The following SH3GL2 variants were observed in gnomAD, a reference collection of about 807,000 sequenced individuals.
SH3GL2 encodes SH3 domain containing GRB2 like 2, endophilin A1.
A neutral mutation model predicts 46.0 loss-of-function variants in SH3GL2; 24 were observed. The ratio of observed to expected loss-of-function variants is 0.52; its 90% CI spans 0.38 to 0.73. The LOEUF (loss-of-function observed/expected upper bound fraction) is 0.73, where lower values mean the gene tolerates loss of function less well. Ranked by LOEUF, SH3GL2 falls within the 30% of genes least tolerant of loss-of-function variation. The pLI is 0.00. For missense variants in SH3GL2, 413 were observed against 424.2 expected, an observed-to-expected ratio of 0.97 and a Z score of 0.23; for synonymous variants, 196 against 147.1, an observed-to-expected ratio of 1.33 and a Z score of -2.40.
At chr9:17,680,458 G>A (rs2118038211) in intron 1 of SH3GL2, among the ~76,000 whole-genome samples, 1 of 152,210 alleles carries the variant, frequency 6.6e-6, no homozygotes, top group East Asian at 1.9e-4. Flanking sequence ...TTGTATTTCT[G>A]TGGGATTGGT....
intron 2 of SH3GL2, among the ~76,000 whole-genome samples, chr9:17,753,919 A>G (rs1588303323): frequency 6.6e-6 from 1 of 152,162 alleles, no homozygotes. Flanking sequence ...TCCTAGCACC[A>G]TTTATTGAAT....
intron 1 of SH3GL2, among the ~76,000 whole-genome samples, chr9:17,673,117 T>C (rs1820515010): frequency 6.6e-6 from 1 of 152,020 alleles, no homozygotes; most frequent in African/African-American, 2.4e-5. Context: ...CCCTCTCTTC[T>C]ACTCTTAGAG....
chr9:17,692,813 A>G (rs1478002361), intron 1 of SH3GL2, among the ~76,000 whole-genome samples: 1 of 152,196 alleles, frequency 6.6e-6, no homozygotes, highest in African/African-American at 2.4e-5. Flanking sequence ...TTACGGTTCC[A>G]CTTGGCTGGG....
At chr9:17,615,040 G>T (rs1222046688) in intron 1 of SH3GL2, among the ~76,000 whole-genome samples, 1 of 152,140 alleles carries the variant, frequency 6.6e-6, no homozygotes, top group Non-Finnish European at 1.5e-5. Flanking sequence ...TGCTCTCAGA[G>T]TCCTCTGTCA....
In SH3GL2 at chr9:17,795,934, T is replaced by A. The variant is rs1248615459; in HGVS notation, c.*191T>A. On this transcript the variant is annotated 3_prime_UTR_variant, in exon 9 of 9. Coordinates refer to ENST00000380607, the MANE Select transcript of SH3GL2 (RefSeq NM_003026.5). Reference sequence around the variant, plus strand: ...GGTGATGGATGATATCCTCTTAGCCTGGTGGGCGTGGCATGTGCTTTTTAA... The same window carrying A: ...GGTGATGGATGATATCCTCTTAGCCAGGTGGGCGTGGCATGTGCTTTTTAA... 5.2e-6 allele frequency: 3 copies of A among 575,132 alleles called. No homozygotes were observed. Among genetic ancestry groups the A allele is most frequent in the Non-Finnish European group, 9.3e-6 (3 of 323,016 alleles). The allele number at this position is 575,132 out of a possible 1,614,324, so 35.6% of individuals were successfully genotyped here.
At chr9:17,694,747 G>T (rs1821162342) in intron 1 of SH3GL2, among the ~76,000 whole-genome samples, 3 of 152,196 alleles carry the variant, frequency 2.0e-5, no homozygotes, top group Admixed American at 2.0e-4. Flanking sequence ...AGTAAAATGG[G>T]AATGGTGATT....
At chr9:17,609,136 A>G (rs1270368342) in intron 1 of SH3GL2, among the ~76,000 whole-genome samples, 1 of 152,212 alleles carries the variant, frequency 6.6e-6, no homozygotes, top group Non-Finnish European at 1.5e-5. Context: ...CACTTAATAA[A>G]CAATAATTCT....
At chr9:17,627,390 G>T (rs1819307909) in intron 1 of SH3GL2, among the ~76,000 whole-genome samples, 1 of 152,100 alleles carries the variant, frequency 6.6e-6, no homozygotes, top group Non-Finnish European at 1.5e-5. Flanking sequence ...GCTTTGCTGG[G>T]TTCTTCATTC....
intron 1 of SH3GL2, among the ~76,000 whole-genome samples, chr9:17,743,195 G>A (rs1255457283): frequency 6.6e-6 from 1 of 152,144 alleles, no homozygotes; most frequent in African/African-American, 2.4e-5. Flanking sequence ...AAAAATGTTT[G>A]CCATACTCCT....
In SH3GL2 at chr9:17,795,946, C is replaced by A. The variant is rs553313598; in HGVS notation, c.*203C>A. ...TATCCTCTTAGCCTGGTGGGCGTGG[C>A]ATGTGCTTTTTAAAACATCATCTGA... On this transcript the variant is annotated 3_prime_UTR_variant, in exon 9 of 9. Transcript: ENST00000380607. 28 of 557,372 alleles carry A rather than the reference C, an allele frequency of 5.0e-5. No homozygotes were observed. In the African/African-American group the frequency reaches 5.2e-4, roughly 10 times the overall value. The allele number at this position is 557,372 out of a possible 1,614,324, so 34.5% of individuals were successfully genotyped here.
chr9:17,614,295 G>GGAAAAAA (rs762920242), intron 1 of SH3GL2, among the ~76,000 whole-genome samples: 24 of 70,298 alleles, frequency 3.4e-4, no homozygotes, highest in East Asian at 1.6e-3. Flanking sequence ...CATGGTTTCT[G>GGAAAAAA]AAAAAAAAAA....
At chr9:17,656,205 A>G (rs1820072633) in intron 1 of SH3GL2, among the ~76,000 whole-genome samples, 1 of 151,998 alleles carries the variant, frequency 6.6e-6, no homozygotes, top group Non-Finnish European at 1.5e-5. Context: ...TTTCTATTGG[A>G]ATGTTTTTAT....
intron 1 of SH3GL2, among the ~76,000 whole-genome samples, chr9:17,599,371 A>T (rs2208486): frequency 0.83 from 126,344 of 152,152 alleles, 52,616 homozygotes; most frequent in Admixed American, 0.87. Flanking sequence ...CAGCATACAA[A>T]TAAAAATAAA....
intron 1 of SH3GL2, among the ~76,000 whole-genome samples, chr9:17,622,609 A>C (rs978762062): frequency 1.3e-5 from 2 of 152,198 alleles, no homozygotes; most frequent in African/African-American, 4.8e-5. Flanking sequence ...AAGTGATACC[A>C]ATTAAAAAAT....
intron 1 of SH3GL2, among the ~76,000 whole-genome samples, chr9:17,645,732 G>T (rs1042735486): frequency 3.3e-5 from 5 of 152,174 alleles, no homozygotes; most frequent in African/African-American, 1.2e-4. Context: ...GGTTTCTGCT[G>T]AGAGATCCGC....
At chr9:17,659,510 T>C (rs1156651752) in intron 1 of SH3GL2, among the ~76,000 whole-genome samples, 1 of 152,106 alleles carries the variant, frequency 6.6e-6, no homozygotes. Context: ...GAGATATTAA[T>C]GAATTTGTGG....
intron 1 of SH3GL2, among the ~76,000 whole-genome samples, chr9:17,615,007 G>A (rs1048122780): frequency 6.6e-6 from 1 of 152,192 alleles, no homozygotes; most frequent in African/African-American, 2.4e-5. Context: ...ATGACACCCT[G>A]ACTAGAGTGA....
At chr9:17,676,127 G>A (rs1224810316) in intron 1 of SH3GL2, among the ~76,000 whole-genome samples, 1 of 152,086 alleles carries the variant, frequency 6.6e-6, no homozygotes, top group African/African-American at 2.4e-5. Context: ...TAGGGGCTAT[G>A]GGTAGACCTA....
In SH3GL2 at chr9:17,795,790, G is replaced by A. The variant is rs1210296266; in HGVS notation, c.*47G>A. ...CCTCCTCTTGACCCAGATAGTTACG[G>A]TTAACCACTGCTTTGGCAATGCTGC... On this transcript the variant is annotated 3_prime_UTR_variant, in exon 9 of 9. Coordinates refer to ENST00000380607, the MANE Select transcript of SH3GL2 (RefSeq NM_003026.5). The A allele has an allele frequency of 6.8e-7, 1 of 1,468,722 alleles. No individual in the cohort carries two copies. Among genetic ancestry groups the A allele is most frequent in the East Asian group, 2.3e-5 (1 of 43,888 alleles). The allele number at this position is 1,468,722 out of a possible 1,614,324, so 91.0% of individuals were successfully genotyped here. A position where few individuals can be genotyped will look rare whatever the true frequency, so the allele number is the denominator to read the frequency against.
Sources: allele counts gnomAD v4.1 joint callset (sites outside exome capture counted in the v4.1 genomes callset), GRCh38; gene constraint gnomAD v4.1.1; transcripts MANE v1.5; gene names NCBI Gene and HGNC (gene_info 2026-07-23, HGNC 2026-07-21).